DTNB: variants seen among roughly 807,000 people sequenced by gnomAD.
DTNB encodes the protein DTN-B.
In DTNB, 63 loss-of-function variants were observed where a neutral mutation model predicts 90.7. The observed-to-expected ratio is 0.69, with a 90% CI of 0.57 to 0.86. The LOEUF (loss-of-function observed/expected upper bound fraction) is 0.86, where lower values mean the gene tolerates loss of function less well. DTNB is among the 40% of genes least tolerant of loss of function. The pLI is 0.00. For synonymous variants in DTNB, 277 were observed against 286.7 expected (o/e 0.97, Z 0.34); for missense variants, 744 against 807.1 (o/e 0.92, Z 0.95).
intron 8 of DTNB, among the ~76,000 whole-genome samples, chr2:25,534,032 T>C (rs2078839150): frequency 6.6e-6 from 1 of 151,948 alleles, no homozygotes; most frequent in Non-Finnish European, 1.5e-5. Flanking sequence ...TGATCATTCT[T>C]GGGTGTTTCT....
intron 10 of DTNB, among the ~76,000 whole-genome samples, chr2:25,467,656 G>A (rs1019711939): frequency 1.3e-5 from 2 of 151,952 alleles, no homozygotes. Flanking sequence ...ACCACAACAT[G>A]CTGACTTATA....
At chr2:25,592,469 A>G (rs1205222428) in intron 6 of DTNB, among the ~76,000 whole-genome samples, 1 of 152,138 alleles carries the variant, frequency 6.6e-6, no homozygotes, top group Non-Finnish European at 1.5e-5. Context: ...ATCCTAATAG[A>G]TGGGTTCTGC....
intron 11 of DTNB, among the ~76,000 whole-genome samples, chr2:25,452,675 G>A (rs1018138290): frequency 4.6e-5 from 7 of 151,702 alleles, no homozygotes; most frequent in African/African-American, 1.7e-4. Flanking sequence ...TGGGAAGGGT[G>A]TGGCTAAATC....
intron 16 of DTNB, among the ~76,000 whole-genome samples, chr2:25,397,628 C>T (rs1243037434): frequency 6.6e-6 from 1 of 151,918 alleles, no homozygotes; most frequent in African/African-American, 2.4e-5. Context: ...GCCTGTAATC[C>T]CAGCACTTTG....
chr2:25,650,369 A>G (rs2080607776), intron 2 of DTNB: 1 of 461,978 alleles, frequency 2.2e-6, no homozygotes, highest in African/African-American at 2.1e-5. Context: ...TAAATGCACT[A>G]AAAGTTGAAA....
intron 4 of DTNB, among the ~76,000 whole-genome samples, chr2:25,626,702 G>T (rs987376882): frequency 6.6e-6 from 1 of 152,232 alleles, no homozygotes; most frequent in Non-Finnish European, 1.5e-5. Context: ...CTTAAATTAT[G>T]ACTTGGCTTT....
chr2:25,655,454 G>A (rs1272088885), intron 1 of DTNB, among the ~76,000 whole-genome samples: 1 of 152,162 alleles, frequency 6.6e-6, no homozygotes, highest in Non-Finnish European at 1.5e-5. Flanking sequence ...ATGATATGAT[G>A]AGATGTACTG....
At chr2:25,475,233 G>A (rs1013199314) in intron 10 of DTNB, among the ~76,000 whole-genome samples, 1 of 152,212 alleles carries the variant, frequency 6.6e-6, no homozygotes, top group Non-Finnish European at 1.5e-5. Flanking sequence ...AGCTCTTGAA[G>A]GAAATTAAAA....
At chr2:25,494,545 A>C (rs2150498906) in intron 9 of DTNB, among the ~76,000 whole-genome samples, 1 of 152,082 alleles carries the variant, frequency 6.6e-6, no homozygotes, top group South Asian at 2.1e-4. Flanking sequence ...TACTAACTAA[A>C]TTCATAACCA....
At position 25,476,162 on chromosome 2, in the gene DTNB, G is replaced by A. The variant is rs768188093; in HGVS notation, c.1079+6634C>T. Among the ~76,000 whole-genome samples, 37 of 150,980 alleles carry A rather than the reference G, an allele frequency of 2.5e-4. 1 individual carries two copies. The highest frequency in any genetic ancestry group is 1.1e-3 in the Admixed American group (17 of 15,052). On this transcript the variant is annotated intron_variant, in intron 10 of 20. Transcript: ENST00000406818. Reference sequence around the variant, plus strand: ...CGGCTCACTGCAACCTCCACCTCCCGGGTTCAAGTAATTCTCCTGCCTCAG... The same window carrying A: ...CGGCTCACTGCAACCTCCACCTCCCAGGTTCAAGTAATTCTCCTGCCTCAG...
At chr2:25,464,381 C>A (rs1242488773) in intron 10 of DTNB, among the ~76,000 whole-genome samples, 1 of 152,170 alleles carries the variant, frequency 6.6e-6, no homozygotes, top group Non-Finnish European at 1.5e-5. Context: ...GGACACAGGA[C>A]CCAACCAGAA....
At chr2:25,492,704 C>T (rs1378599164) in intron 9 of DTNB, among the ~76,000 whole-genome samples, 1 of 152,066 alleles carries the variant, frequency 6.6e-6, no homozygotes, top group Non-Finnish European at 1.5e-5. Context: ...CAAACATTAG[C>T]TGGTTTTGGT....
chr2:25,647,251 A>G (rs1489990278), intron 2 of DTNB, among the ~76,000 whole-genome samples: 1 of 152,250 alleles, frequency 6.6e-6, no homozygotes, highest in African/African-American at 2.4e-5. Flanking sequence ...AGGTACATGC[A>G]TCCAAGAATT....
intron 6 of DTNB, among the ~76,000 whole-genome samples, chr2:25,590,322 C>T (rs1488941623): frequency 1.3e-5 from 2 of 152,120 alleles, no homozygotes; most frequent in African/African-American, 2.4e-5. Flanking sequence ...AGTTCCTGTC[C>T]CGTACCCAGG....
At chr2:25,430,502 G>A (rs1157119224) in intron 14 of DTNB, among the ~76,000 whole-genome samples, 4 of 151,676 alleles carry the variant, frequency 2.6e-5, no homozygotes, top group Admixed American at 6.6e-5. Context: ...CACAGAGAAC[G>A]ATCCTAAAGG....
In DTNB at chr2:25,451,537, C is replaced by T. The variant is rs1039341944; in HGVS notation, c.1257+11G>A. On this transcript the variant is annotated intron_variant, in intron 12 of 20. Coordinates refer to ENST00000406818, the MANE Select transcript of DTNB (RefSeq NM_021907.5). ...TTTCTGCTACTCTCCTGGGATCCTC[C>T]ATTAACTTACCACGTTTCCTGCTTC... The T allele has an allele frequency of 6.2e-7, 1 of 1,601,860 alleles. No homozygotes were observed.
At chr2:25,500,831 A>C (rs1575143184) in intron 9 of DTNB, among the ~76,000 whole-genome samples, 1 of 152,260 alleles carries the variant, frequency 6.6e-6, no homozygotes, top group Non-Finnish European at 1.5e-5. Flanking sequence ...ATGCCTAAAC[A>C]AAATGAAAAA....
chr2:25,632,088 G>C (rs956439922), intron 3 of DTNB, among the ~76,000 whole-genome samples: 2 of 151,228 alleles, frequency 1.3e-5, no homozygotes, highest in Non-Finnish European at 1.5e-5. Flanking sequence ...ACAACTACTC[G>C]GGAGGCCAAG....
rs907658643 is a variant in DTNB, at chr2:25,387,536, G to A, written c.1736-158C>T. 2.6e-5 allele frequency among the ~76,000 whole-genome samples: 4 copies of A among 152,250 alleles called. No homozygotes were observed. The highest frequency in any genetic ancestry group is 4.8e-5 in the African/African-American group (2 of 41,554). On this transcript the variant is annotated intron_variant, in intron 17 of 20. Coordinates refer to ENST00000406818, the MANE Select transcript of DTNB (RefSeq NM_021907.5). The surrounding 1 kb of genome is among the most constrained non-coding windows in gnomAD (Gnocchi z 4.5). ...AGCTCCACCCATTCCCAGGCACACCGGGGGCAGGAGGCACCAGCCCACTGG... is the reference window on the plus strand; with the variant it reads ...AGCTCCACCCATTCCCAGGCACACCAGGGGCAGGAGGCACCAGCCCACTGG...
Sources: allele counts gnomAD v4.1 joint callset (sites outside exome capture counted in the v4.1 genomes callset), GRCh38; gene constraint gnomAD v4.1.1; non-coding constraint Gnocchi (gnomAD v3.1); transcripts MANE v1.5; gene names NCBI Gene and HGNC (gene_info 2026-07-23, HGNC 2026-07-21).